CDNF: variants seen among roughly 807,000 people sequenced by gnomAD.
CDNF encodes cerebral dopamine neurotrophic factor.
CDNF carries 9 observed loss-of-function variants against 14.8 expected under a neutral mutation model. That is an observed-to-expected ratio of 0.61 (90% CI 0.37 to 1.06). The LOEUF (loss-of-function observed/expected upper bound fraction) is 1.06. CDNF is among the 50% of genes least tolerant of loss of function. The pLI, the probability that CDNF is intolerant of heterozygous loss-of-function variation, is 0.01. For synonymous variants in CDNF, 86 were observed against 87.2 expected (o/e 0.99, Z 0.07); for missense variants, 228 against 228.4 (o/e 1.00, Z 0.01).
intron 1 of CDNF, among the ~76,000 whole-genome samples, chr10:14,829,621 T>C (rs1833827389): frequency 6.6e-6 from 1 of 152,044 alleles, no homozygotes; most frequent in Non-Finnish European, 1.5e-5. Flanking sequence ...TCTTCAGAGT[T>C]TTTTTTGTTT....
intron 3 of CDNF, among the ~76,000 whole-genome samples, chr10:14,821,688 C>G (rs887895981): frequency 6.6e-6 from 1 of 152,184 alleles, no homozygotes; most frequent in East Asian, 1.9e-4. Flanking sequence ...AGAGATTATA[C>G]TTGCTTCAAA....
rs1833911190 is a variant in CDNF, at chr10:14,838,008, G to A, written c.-62C>T. 6 of 1,256,092 alleles carry A rather than the reference G, an allele frequency of 4.8e-6. No individual in the cohort carries two copies. Among genetic ancestry groups the A allele is most frequent in the Admixed American group, 2.0e-5 (1 of 49,970 alleles). 77.8% of individuals were successfully genotyped at this position (1,256,092 alleles called of 1,614,324 possible). ...GCCCACCGCCCACCAAGCTGCCAAA[G>A]CGAGCTGAGCAGAATTCGAGGTTGG... On this transcript the variant is annotated 5_prime_UTR_variant, in exon 1 of 4. Coordinates refer to ENST00000465530, the MANE Select transcript of CDNF (RefSeq NM_001029954.3).
intron 1 of CDNF, among the ~76,000 whole-genome samples, chr10:14,836,009 G>A (rs1376351291): frequency 1.3e-5 from 2 of 152,192 alleles, no homozygotes; most frequent in Admixed American, 1.3e-4. Flanking sequence ...ATTTTAAAAT[G>A]TACCCAGTGA....
At position 14,837,919 on chromosome 10, in the gene CDNF, C is replaced by T. The variant is rs529541955; in HGVS notation, c.28G>A (p.Val10Met). 1.3e-5 allele frequency: 21 copies of T among 1,605,966 alleles called. No individual in the cohort carries two copies. In the African/African-American group the frequency reaches 2.5e-4, roughly 19 times the overall value. ...ACCAAAAGCCCGGCGCAAAAGGCCA[C>T]CACAGCAACTGGGCTCGCGCACCAC... is the stretch of plus-strand genomic sequence containing the variant. MWCASPVAV[V>M]AFCAGLLVSH... The change falls in exon 1 of 4, where the codon GTG (valine) becomes ATG (methionine). Residue 10 changes from valine (V) to methionine (M), a missense_variant. Transcript: ENST00000465530.
chr10:14,823,261 A>G (rs962974683), intron 3 of CDNF, among the ~76,000 whole-genome samples: 3 of 152,168 alleles, frequency 2.0e-5, no homozygotes, highest in Non-Finnish European at 4.4e-5. Context: ...CATTAATTTT[A>G]AAAAGAGGAA....
At chr10:14,820,354 G>A (rs1833727562) in intron 3 of CDNF, among the ~76,000 whole-genome samples, 196 bp from the exon 4 acceptor site, 1 of 152,084 alleles carries the variant, frequency 6.6e-6, no homozygotes, top group African/African-American at 2.4e-5. Flanking sequence ...TCTATCAGTG[G>A]GTTCTGCATC....
chr10:14,830,644 G>A (rs1209833909), intron 1 of CDNF, among the ~76,000 whole-genome samples: 3 of 152,274 alleles, frequency 2.0e-5, no homozygotes, highest in Admixed American at 6.5e-5. Flanking sequence ...TCAGGAGTTC[G>A]AGACCAGCCT....
chr10:14,834,769 C>T (rs1833873417), intron 1 of CDNF, among the ~76,000 whole-genome samples: 1 of 152,062 alleles, frequency 6.6e-6, no homozygotes, highest in Admixed American at 6.6e-5. Flanking sequence ...GGAGCGGCAC[C>T]TGGAGGAAAC....
chr10:14,821,933 G>GT (rs1371099807), intron 3 of CDNF, among the ~76,000 whole-genome samples: 1 of 152,210 alleles, frequency 6.6e-6, no homozygotes, highest in East Asian at 1.9e-4. Flanking sequence ...CTAGGAAGAT[G>GT]TATCTTCGGC....
At chr10:14,834,512 G>A (rs1833870650) in intron 1 of CDNF, among the ~76,000 whole-genome samples, 1 of 152,092 alleles carries the variant, frequency 6.6e-6, no homozygotes, top group Non-Finnish European at 1.5e-5. Flanking sequence ...CTCTGCCAAT[G>A]TATCATCTAG....
intron 2 of CDNF, among the ~76,000 whole-genome samples, chr10:14,826,096 A>AGAG (rs1317713477): frequency 5.0e-5 from 5 of 100,482 alleles, no homozygotes; most frequent in African/African-American, 1.4e-4. Flanking sequence ...AAGAAGAAGA[A>AGAG]GCAGCAGCAG....
intron 1 of CDNF, among the ~76,000 whole-genome samples, chr10:14,828,670 A>G (rs1833819672): frequency 6.6e-6 from 1 of 151,672 alleles, no homozygotes; most frequent in South Asian, 2.1e-4. Flanking sequence ...AAACGTCCAT[A>G]TGAGTCAATG....
At chr10:14,828,852 A>AC (rs1833820963) in intron 1 of CDNF, among the ~76,000 whole-genome samples, 1 of 151,610 alleles carries the variant, frequency 6.6e-6, no homozygotes, top group African/African-American at 2.4e-5. Context: ...CTAAAAAAAA[A>AC]ACACAAAAAA....
chr10:14,828,351 T>G (rs1220366273), intron 1 of CDNF, 79 bp from the exon 2 acceptor site: 3 of 1,429,698 alleles, frequency 2.1e-6, no homozygotes, highest in Non-Finnish European at 2.9e-6. Flanking sequence ...CTAACCACAT[T>G]TAAAAGTCTA....
In CDNF at chr10:14,835,840, G is replaced by A. The variant is rs537816148; in HGVS notation, c.115+1992C>T. Among the ~76,000 whole-genome samples the A allele has an allele frequency of 5.5e-4, 83 of 152,240 alleles. 1 individual carries two copies. The highest frequency in any genetic ancestry group is 1.3e-3 in the African/African-American group (52 of 41,554). ...AAAGAAGAGTTAAGCAATTTGAATC[G>A]GGGGCAGAGTAGGGGCGGCAAACTA... On this transcript the variant is annotated intron_variant, in intron 1 of 3. Coordinates refer to ENST00000465530, the MANE Select transcript of CDNF (RefSeq NM_001029954.3).
At chr10:14,823,769 C>T (rs1833757242) in intron 3 of CDNF, among the ~76,000 whole-genome samples, 1 of 152,180 alleles carries the variant, frequency 6.6e-6, no homozygotes. Flanking sequence ...TCAAATGATC[C>T]TCCTTTCTTG....
Position 14,825,500 on chromosome 10 carries a change from G to A in CDNF, c.364C>T (p.Gln122Ter). ...ATACCATATTTCAGCTCACAGATCT[G>A]GCTATCCAACTTCTTCAGCTTCTCA... ...ICEKLKKLDS[Q>*]ICELKYEKTL... Residue 122 changes from glutamine to a stop codon, truncating the protein, a stop_gained, in exon 3 of 4, where the codon CAG becomes TAG. Coordinates refer to ENST00000465530, the MANE Select transcript of CDNF (RefSeq NM_001029954.3). LOFTEE classifies it high-confidence loss of function. The A allele has an allele frequency of 6.2e-7, 1 of 1,614,058 alleles. No homozygotes were observed. The highest frequency in any genetic ancestry group is 8.5e-7 in the Non-Finnish European group (1 of 1,179,994).
chr10:14,824,288 G>C (rs1833761176), intron 3 of CDNF, among the ~76,000 whole-genome samples: 1 of 152,050 alleles, frequency 6.6e-6, no homozygotes, highest in Non-Finnish European at 1.5e-5. Context: ...GAAATGTATG[G>C]GGCCAAGGAT....
intron 2 of CDNF, among the ~76,000 whole-genome samples, chr10:14,826,052 G>C (rs938298659): frequency 2.8e-4 from 36 of 129,906 alleles, no homozygotes; most frequent in African/African-American, 1.1e-3. Context: ...AGAAGAAGAA[G>C]AAGAAGAAGA....
Sources: gnomAD v4.1 joint callset for allele counts (sites outside exome capture counted in the v4.1 genomes callset) on GRCh38, gnomAD v4.1.1 for gene constraint, MANE v1.5 for transcripts, NCBI Gene and HGNC (gene_info 2026-07-23, HGNC 2026-07-21) for gene names.